The following SLC4A8 variants were observed in gnomAD, a reference collection of about 807,000 sequenced individuals.
SLC4A8 encodes solute carrier family 4 member 8.
Under a neutral mutation model 125.0 loss-of-function variants are expected in SLC4A8, and 40 were observed. The ratio of observed to expected loss-of-function variants is 0.32; its 90% CI spans 0.25 to 0.42. SLC4A8 has a LOEUF of 0.42. Ranked by LOEUF, SLC4A8 falls within the 10% of genes least tolerant of loss-of-function variation. The pLI is 1.00. For synonymous variants in SLC4A8, 456 were observed against 476.0 expected (o/e 0.96, Z 0.55); for missense variants, 863 against 1,355.1 (o/e 0.64, Z 5.70).
At chr12:51,495,650 T>G (rs1293781116) in intron 21 of SLC4A8, among the ~76,000 whole-genome samples, 1 of 151,800 alleles carries the variant, frequency 6.6e-6, no homozygotes, top group Non-Finnish European at 1.5e-5. Flanking sequence ...TAATTTTTTT[T>G]GTATTTTTTT....
intron 13 of SLC4A8, 44 bp downstream of exon 13, chr12:51,470,569 T>C: frequency 6.4e-7 from 1 of 1,566,402 alleles, no homozygotes; most frequent in Non-Finnish European, 8.8e-7. Context: ...GATTTAGTGA[T>C]TATGCTGCCA....
At chr12:51,453,835 G>A in intron 5 of SLC4A8, 136 bp downstream of exon 5, 1 of 654,278 alleles carries the variant, frequency 1.5e-6, no homozygotes, top group East Asian at 3.0e-5. Context: ...TGGCCTCAAT[G>A]TCCTTGGCTG....
intron 1 of SLC4A8, among the ~76,000 whole-genome samples, chr12:51,412,389 T>C (rs1212103613): frequency 6.6e-6 from 1 of 152,232 alleles, no homozygotes; most frequent in Non-Finnish European, 1.5e-5. Flanking sequence ...TCAGGGTATT[T>C]AGGATATCCA....
chr12:51,482,200 T>C (rs1427194295), intron 16 of SLC4A8, among the ~76,000 whole-genome samples: 1 of 152,108 alleles, frequency 6.6e-6, no homozygotes, highest in East Asian at 1.9e-4. Flanking sequence ...TCTTGAAGGA[T>C]TGGTACCAGA....
chr12:51,469,806 C>T lies in SLC4A8; in HGVS notation c.1524+18C>T. ...GACGCATAGTAAGGACTTTTAACCA[C>T]TTCTAATGATCCCAAACAAGACCTA... On this transcript the variant is annotated intron_variant, in intron 12 of 24. Transcript: ENST00000453097. The T allele has an allele frequency of 6.2e-7, 1 of 1,610,728 alleles. No homozygotes were observed. Among genetic ancestry groups the T allele is most frequent in the Non-Finnish European group, 8.5e-7 (1 of 1,177,836 alleles).
At chr12:51,477,105 T>C (rs1950880251) in intron 16 of SLC4A8, among the ~76,000 whole-genome samples, 1 of 152,004 alleles carries the variant, frequency 6.6e-6, no homozygotes, top group East Asian at 1.9e-4. Flanking sequence ...GGTTTCTCCA[T>C]GTTGGTTAGG....
intron 12 of SLC4A8, among the ~76,000 whole-genome samples, chr12:51,470,120 G>A (rs1401510486): frequency 6.6e-6 from 1 of 152,146 alleles, no homozygotes; most frequent in Non-Finnish European, 1.5e-5. Context: ...GTATCACTGT[G>A]CTTTCTGTAT....
intron 22 of SLC4A8, among the ~76,000 whole-genome samples, chr12:51,503,733 C>T (rs1331930250): frequency 6.6e-6 from 1 of 152,018 alleles, no homozygotes; most frequent in African/African-American, 2.4e-5. Flanking sequence ...CTAAATGTGT[C>T]CCTTGGTGTC....
chr12:51,489,983 C>T, intron 19 of SLC4A8, 32 bp downstream of exon 19: 8 of 1,606,124 alleles, frequency 5.0e-6, no homozygotes, highest in Non-Finnish European at 5.1e-6. Flanking sequence ...CAGCAAATAT[C>T]AAGGGCCTGA....
intron 22 of SLC4A8, 46 bp downstream of exon 22, chr12:51,497,170 A>G (rs1951483538): frequency 1.3e-6 from 2 of 1,571,998 alleles, no homozygotes; most frequent in African/African-American, 2.7e-5. Context: ...CTCAAATTAC[A>G]GAACATAGGA....
At chr12:51,464,104 G>A (rs1362864061) in intron 11 of SLC4A8, among the ~76,000 whole-genome samples, 3 of 120,052 alleles carry the variant, frequency 2.5e-5, no homozygotes, top group African/African-American at 9.7e-5. Flanking sequence ...TAATATCACA[G>A]TATTGAGCTC....
At chr12:51,466,327 G>C (rs1029043426) in intron 11 of SLC4A8, 1 of 152,198 alleles carries the variant, frequency 6.6e-6, no homozygotes, top group Admixed American at 6.5e-5. Context: ...CCTTATTGGG[G>C]ATGCCACTTT....
chr12:51,497,026 T>A lies in SLC4A8; in HGVS notation c.2983T>A (p.Cys995Ser), dbSNP rs370683128. The change falls in exon 22 of 25, where the codon TGT becomes AGT. Residue 995 changes from cysteine (C) to serine (S), a missense_variant. Cys to Ser is a moderately radical substitution (Grantham distance 112). Transcript: ENST00000453097. ...LVFVRKVMDL[C>S]FSKRELSWLD... ...CTTTGTCAGGAAAGTCATGGATCTC[T>A]GTTTCTCTAAGCGAGAGCTGAGCTG... 1.1e-5 allele frequency: 18 copies of A among 1,614,126 alleles called. No individual in the cohort carries two copies. In the East Asian group the frequency reaches 3.3e-4, roughly 30 times the overall value.
chr12:51,448,947 G>A (rs1452777182), intron 2 of SLC4A8, among the ~76,000 whole-genome samples: 1 of 152,118 alleles, frequency 6.6e-6, no homozygotes. Flanking sequence ...GCTTGGGAAG[G>A]TTTCTTTTTA....
intron 19 of SLC4A8, among the ~76,000 whole-genome samples, chr12:51,491,703 G>A (rs1951319636): frequency 6.6e-6 from 1 of 150,640 alleles, no homozygotes; most frequent in South Asian, 2.1e-4. Context: ...AGGCCTCCAT[G>A]TCTGGCTCTT....
At chr12:51,452,053 G>A (rs1949989447) in intron 3 of SLC4A8, 71 bp from the exon 4 acceptor site, 2 of 1,462,220 alleles carry the variant, frequency 1.4e-6, no homozygotes, top group Non-Finnish European at 1.9e-6. Flanking sequence ...AAGTTGTTAG[G>A]TAAGGAAGAA....
At chr12:51,442,754 C>G (rs577620737) in intron 2 of SLC4A8, among the ~76,000 whole-genome samples, 6 of 152,234 alleles carry the variant, frequency 3.9e-5, no homozygotes, top group African/African-American at 1.4e-4. Flanking sequence ...GGTTTCTAGA[C>G]CAGCTCTGGA....
Position 51,425,253 on chromosome 12 carries a change from C to T in SLC4A8, c.48+218C>T, listed in dbSNP as rs899340025. 196 of 1,350,504 alleles carry T rather than the reference C, an allele frequency of 1.5e-4. No homozygotes were observed. The Middle Eastern group carries it at 2.2e-3, about 15-fold the overall frequency. 83.7% of individuals were successfully genotyped at this position (1,350,504 alleles called of 1,614,324 possible). ...CTTGGGCCGAACCTGGGATCTGGCC[C>T]ATCTCTGCCGCATCCCTTGCGCCGC... is the stretch of plus-strand genomic sequence containing the variant. On this transcript the variant is annotated intron_variant, in intron 1 of 24. Coordinates refer to ENST00000453097, the MANE Select transcript of SLC4A8 (RefSeq NM_001039960.3).
intron 11 of SLC4A8, among the ~76,000 whole-genome samples, chr12:51,466,173 C>G (rs935971898): frequency 6.6e-6 from 1 of 152,128 alleles, no homozygotes; most frequent in Admixed American, 6.5e-5. Flanking sequence ...AGGGTTAAGA[C>G]AGATCTTAAA....
Sources: gnomAD v4.1 joint callset for allele counts (sites outside exome capture counted in the v4.1 genomes callset) on GRCh38, gnomAD v4.1.1 for gene constraint, MANE v1.5 for transcripts, NCBI Gene and HGNC (gene_info 2026-07-23, HGNC 2026-07-21) for gene names.